ZNF180: variants seen among roughly 807,000 people sequenced by gnomAD.
ZNF180 encodes zinc finger protein 180, also known as zinc finger protein 180 (HHZ168).
A neutral mutation model predicts 11.8 loss-of-function variants in ZNF180; 11 were observed. The ratio of observed to expected loss-of-function variants is 0.93; its 90% CI spans 0.59 to 1.55. ZNF180 has a LOEUF of 1.55. Among genes scored for constraint, ZNF180 ranks in the 40% most tolerant of loss-of-function variants. The probability of loss-of-function intolerance (pLI) is 0.00; values close to 1 mark genes in which losing one functional copy is unlikely to be tolerated. For missense variants in ZNF180, 773 were observed against 781.7 expected (o/e 0.99, Z 0.13); for synonymous variants, 287 against 257.7 (o/e 1.11, Z -1.09).
chr19:44,489,912 AAAAGAAAG>A (rs59075695), intron 2 of ZNF180, among the ~76,000 whole-genome samples: 37 of 141,024 alleles, frequency 2.6e-4, no homozygotes, highest in Non-Finnish European at 4.9e-4. Flanking sequence ...AGAGAAAAGA[AAAAGAAAG>A]AAAGAGAGAG....
intron 1 of ZNF180, 141 bp from the exon 2 acceptor site, chr19:44,497,518 G>A (rs939377046): frequency 5.0e-6 from 4 of 804,866 alleles, no homozygotes; most frequent in Non-Finnish European, 7.5e-6. Context: ...CCAGCTTCCT[G>A]CCCAAATACC....
chr19:44,483,581 T>G (rs1337800972), intron 3 of ZNF180, among the ~76,000 whole-genome samples: 1 of 152,248 alleles, frequency 6.6e-6, no homozygotes, highest in African/African-American at 2.4e-5. Context: ...ATTTTAAGCC[T>G]TCTCTACCCT....
rs1244703891 is a variant in ZNF180, at chr19:44,475,059, C to T, written c.*1343G>A. 1 of 152,200 alleles carries T rather than the reference C, an allele frequency of 6.6e-6. No individual in the cohort carries two copies. The highest frequency in any genetic ancestry group is 1.5e-5 in the Non-Finnish European group (1 of 68,046). The allele number at this position is 152,200 out of a possible 1,614,324, so 9.4% of individuals were successfully genotyped here. A position where few individuals can be genotyped will look rare whatever the true frequency, so the allele number is the denominator to read the frequency against. On this transcript the variant is annotated 3_prime_UTR_variant, in exon 5 of 5. Coordinates refer to ENST00000592529, the MANE Select transcript of ZNF180 (RefSeq NM_001278509.3). ...TATTAACCTCTATTATCTGGTCTCT[C>T]AGTTCAACTTTCAGCTTATTACCTT...
In ZNF180 at chr19:44,477,883, C is replaced by A; in HGVS notation, c.517G>T (p.Gly173Cys). Residue 173 changes from glycine to cysteine, a missense_variant, in exon 5 of 5, where the codon GGT (glycine) becomes TGT (cysteine). Gly to Cys is a radical substitution (Grantham distance 159). Transcript: ENST00000592529. ...GATGAAAATAGACTGGAATTCAGAC[C>A]ACTCTTCTCCCCAGTTTCATCACTT... ...CKSDETGEKS[G>C]LNSSLFSSPV... 1 of 1,613,830 alleles carries A rather than the reference C, an allele frequency of 6.2e-7. No individual in the cohort carries two copies. The highest frequency in any genetic ancestry group is 8.5e-7 in the Non-Finnish European group (1 of 1,179,968).
intron 3 of ZNF180, among the ~76,000 whole-genome samples, chr19:44,480,650 T>C (rs1408644304): frequency 6.6e-6 from 1 of 152,232 alleles, no homozygotes; most frequent in Non-Finnish European, 1.5e-5. Flanking sequence ...GAAGATGGGA[T>C]CCAAGTCTAA....
intron 2 of ZNF180, 95 bp from the exon 3 acceptor site, chr19:44,484,530 C>T (rs1176548127): frequency 2.4e-6 from 2 of 846,460 alleles, no homozygotes; most frequent in Non-Finnish European, 4.0e-6. Context: ...ATTTGACATA[C>T]CACCTATTTT....
rs1463739854 is a variant in ZNF180 at position 44,476,625 on chromosome 19, C to G, written c.1775G>C (p.Cys592Ser). Residue 592 changes from cysteine to serine, a missense_variant, in exon 5 of 5, where the codon TGC becomes TCC. Transcript: ENST00000592529. ...QCGKSFRQSS[C>S]LTQHQRTHTG... ...ATGAGTTCTCTGATGTTGAGTAAGG[C>G]ATGAACTCTGTCTGAAGGACTTCCC... The G allele has an allele frequency of 1.2e-6, 2 of 1,613,982 alleles. No individual in the cohort carries two copies. Among genetic ancestry groups the G allele is most frequent in the Non-Finnish European group, 1.7e-6 (2 of 1,179,956 alleles).
At chr19:44,500,210 C>G in intron 1 of ZNF180, 65 bp downstream of exon 1, 1 of 1,614,180 alleles carries the variant, frequency 6.2e-7, no homozygotes, top group Non-Finnish European at 8.5e-7. Flanking sequence ...CCGCTTCCAG[C>G]TTCCCGCGTA....
Position 44,477,490 on chromosome 19 carries a change from A to T in ZNF180, c.910T>A (p.Cys304Ser), listed in dbSNP as rs996910153. The change falls in exon 5 of 5, where the codon TGT becomes AGT. Residue 304 changes from cysteine to serine, a missense_variant. Physicochemically the swap from Cys to Ser is moderately radical, Grantham distance 112. Coordinates refer to ENST00000592529, the MANE Select transcript of ZNF180 (RefSeq NM_001278509.3). ...RIPFEESQYK[C>S]SETSHSSSLT... is the part of the protein sequence containing the mutation. ...GAGGAACTATGAGAGGTTTCACTAC[A>T]TTTATATTGACTCTCTTCAAAAGGA... 1 of 1,614,026 alleles carries T rather than the reference A, an allele frequency of 6.2e-7. No individual in the cohort carries two copies. Among genetic ancestry groups the T allele is most frequent in the African/African-American group, 1.3e-5 (1 of 75,006 alleles).
At chr19:44,499,777 C>T (rs1472355329) in intron 1 of ZNF180, among the ~76,000 whole-genome samples, 1 of 152,180 alleles carries the variant, frequency 6.6e-6, no homozygotes, top group Non-Finnish European at 1.5e-5. Flanking sequence ...CTTGGAGAAG[C>T]GCGTTGTCTG....
rs1969815839 is a variant in ZNF180 at position 44,474,748 on chromosome 19, C to T, written c.*1654G>A. The T allele has an allele frequency of 6.6e-6, 1 of 152,220 alleles. No homozygotes were observed. Among genetic ancestry groups the T allele is most frequent in the Non-Finnish European group, 1.5e-5 (1 of 68,054 alleles). The allele number at this position is 152,220 out of a possible 1,614,324, so 9.4% of individuals were successfully genotyped here. A position where few individuals can be genotyped will look rare whatever the true frequency, so the allele number is the denominator to read the frequency against. ...TGGCCATGTAAGACTAGGCCTGGAG[C>T]CTGGAACACATCCTTCCCAAGAGAT... On this transcript the variant is annotated 3_prime_UTR_variant, in exon 5 of 5. Coordinates refer to ENST00000592529, the MANE Select transcript of ZNF180 (RefSeq NM_001278509.3).
At chr19:44,493,748 GCT>G (rs559500323) in intron 2 of ZNF180, among the ~76,000 whole-genome samples, 4 of 150,494 alleles carry the variant, frequency 2.7e-5, no homozygotes, top group Non-Finnish European at 5.9e-5. Flanking sequence ...AAGTGCTCTT[GCT>G]CTCTCTCTCT....
chr19:44,500,342 G>A lies in ZNF180; in HGVS notation c.-111C>T. On this transcript the variant is annotated 5_prime_UTR_variant, in exon 1 of 5. Coordinates refer to ENST00000592529, the MANE Select transcript of ZNF180 (RefSeq NM_001278509.3). ...GCCTCAGTGCCTAGCACGGCTCTGC[G>A]GCAGGACGAACTCGGGTTAGGCAAC... is the stretch of plus-strand genomic sequence containing the variant. 1 of 1,494,870 alleles carries A rather than the reference G, an allele frequency of 6.7e-7. No individual in the cohort carries two copies. Among genetic ancestry groups the A allele is most frequent in the Non-Finnish European group, 9.2e-7 (1 of 1,081,630 alleles). 92.6% of individuals were successfully genotyped at this position (1,494,870 alleles called of 1,614,324 possible).
intron 2 of ZNF180, chr19:44,485,211 A>G (rs1005506098): frequency 3.3e-5 from 5 of 152,164 alleles, no homozygotes; most frequent in Non-Finnish European, 4.4e-5. Context: ...CACATGATCA[A>G]TAAGAATCTA....
intron 3 of ZNF180, among the ~76,000 whole-genome samples, chr19:44,483,480 G>A (rs940968773): frequency 3.9e-5 from 6 of 152,166 alleles, no homozygotes; most frequent in Non-Finnish European, 8.8e-5. Flanking sequence ...TAAATTAATG[G>A]CCACTATCTC....
intron 3 of ZNF180, among the ~76,000 whole-genome samples, chr19:44,480,848 G>T (rs1970060140): frequency 6.6e-6 from 1 of 152,132 alleles, no homozygotes; most frequent in South Asian, 2.1e-4. Context: ...TCCAATTTTG[G>T]ACAATTTCAG....
rs58768539 is a variant in ZNF180 at position 44,491,720 on chromosome 19, G to A, written c.51+5564C>T. Among the ~76,000 whole-genome samples the A allele has an allele frequency of 6.7e-3, 1,014 of 152,132 alleles. 8 individuals are homozygous for A. The highest frequency in any genetic ancestry group is 0.023 in the African/African-American group (966 of 41,500). On this transcript the variant is annotated intron_variant, in intron 2 of 4. Coordinates refer to ENST00000592529, the MANE Select transcript of ZNF180 (RefSeq NM_001278509.3). ...CAAGAAGCTGGGACTACAGAGGCACGCCACCACAGCTGGCTAATTTTTTTG... is the reference window on the plus strand; with the variant it reads ...CAAGAAGCTGGGACTACAGAGGCACACCACCACAGCTGGCTAATTTTTTTG...
intron 4 of ZNF180, among the ~76,000 whole-genome samples, chr19:44,478,812 G>A (rs1053281394): frequency 6.6e-6 from 1 of 152,214 alleles, no homozygotes; most frequent in Non-Finnish European, 1.5e-5. Context: ...CCACCAGGAG[G>A]TGGGAAATGA....
chr19:44,481,903 T>C (rs185315694), intron 3 of ZNF180, among the ~76,000 whole-genome samples: 2 of 152,320 alleles, frequency 1.3e-5, no homozygotes, highest in Admixed American at 1.3e-4. Flanking sequence ...GATACTAGCT[T>C]TTCTGGACTT....
Sources: allele counts gnomAD v4.1 joint callset (sites outside exome capture counted in the v4.1 genomes callset), GRCh38; gene constraint gnomAD v4.1.1; transcripts MANE v1.5; gene names NCBI Gene and HGNC (gene_info 2026-07-23, HGNC 2026-07-21).